The following LAMB2 variants were observed in gnomAD, a reference collection of about 807,000 sequenced individuals.
LAMB2 encodes the protein laminin subunit beta 2, also known as laminin subunit beta-2.
LAMB2 carries 119 observed loss-of-function variants against 202.7 expected under a neutral mutation model. The observed-to-expected ratio is 0.59, with a 90% CI of 0.51 to 0.68. LAMB2 has a LOEUF of 0.68. Ranked by LOEUF, LAMB2 falls within the 30% of genes least tolerant of loss-of-function variation. The probability of loss-of-function intolerance (pLI) is 0.00; values close to 1 mark genes in which losing one functional copy is unlikely to be tolerated. For missense variants in LAMB2, 2,124 were observed against 2,410.6 expected, an observed-to-expected ratio of 0.88 and a Z score of 2.49; for synonymous variants, 818 against 902.2, an observed-to-expected ratio of 0.91 and a Z score of 1.67.
In LAMB2 at chr3:49,125,250, C is replaced by T. The variant is rs987582385; in HGVS notation, c.2720+3G>A. On this transcript the variant is annotated splice_donor_region_variant and intron_variant, in intron 19 of 31. Transcript: ENST00000305544. ...AACCCACTCATAGCTGCTCCAGTCTCACCTTTCACAGTGCTCACCCCCTGT... is the reference window on the plus strand; with the variant it reads ...AACCCACTCATAGCTGCTCCAGTCTTACCTTTCACAGTGCTCACCCCCTGT... 4 of 1,613,888 alleles carry T rather than the reference C, an allele frequency of 2.5e-6. No homozygotes were observed. Among genetic ancestry groups the T allele is most frequent in the Admixed American group, 1.7e-5 (1 of 60,030 alleles).
rs1196452695 is a variant in LAMB2 at position 49,128,693 on chromosome 3, C to T, written c.1858G>A (p.Asp620Asn). The change falls in exon 14 of 32, where the codon GAC (aspartate) becomes AAC (asparagine). Residue 620 changes from aspartate (D) to asparagine (N), a missense_variant. Asp to Asn is a conservative substitution (Grantham distance 23). Coordinates refer to ENST00000305544, the MANE Select transcript of LAMB2 (RefSeq NM_002292.4). ...TCTAAGCGCAGCAGCAGGTCATAGT[C>T]CATAGCCTTCGGCACAGAGGCCACC... ...FLVASVPKAM[D>N]YDLLLRLEPQ... The T allele has an allele frequency of 6.2e-7, 1 of 1,614,202 alleles. No homozygotes were observed. The highest frequency in any genetic ancestry group is 8.5e-7 in the Non-Finnish European group (1 of 1,180,044).
chr3:49,130,474 G>T lies in LAMB2; in HGVS notation c.1037-55C>A. The T allele has an allele frequency of 1.2e-6, 2 of 1,601,104 alleles. No individual in the cohort carries two copies. The highest frequency in any genetic ancestry group is 1.1e-5 in the South Asian group (1 of 90,710). ...CCACATGAGGAACCAGGTCACAAGGGTAAGAAGTAGGCCACCTTAGATCCC... is the reference window on the plus strand; with the variant it reads ...CCACATGAGGAACCAGGTCACAAGGTTAAGAAGTAGGCCACCTTAGATCCC... On this transcript the variant is annotated intron_variant, in intron 8 of 31. Transcript: ENST00000305544. This position sits in a 1 kb window ranked among gnomAD's most constrained non-coding sequence, Gnocchi z 5.0.
Position 49,130,533 on chromosome 3 carries a change from G to A in LAMB2, c.1037-114C>T. On this transcript the variant is annotated intron_variant, in intron 8 of 31. Coordinates refer to ENST00000305544, the MANE Select transcript of LAMB2 (RefSeq NM_002292.4). The surrounding 1 kb of genome is among the most constrained non-coding windows in gnomAD (Gnocchi z 5.0). ...GCCAGAATTTGTGGGTAGGGGCTCA[G>A]GGACTTCAAGGCCTCAGCATCATAC... 1.5e-6 allele frequency: 2 copies of A among 1,374,916 alleles called. No individual in the cohort carries two copies. The highest frequency in any genetic ancestry group is 2.1e-6 in the Non-Finnish European group (2 of 970,662). 85.2% of individuals were successfully genotyped at this position (1,374,916 alleles called of 1,614,324 possible). A position where few individuals can be genotyped will look rare whatever the true frequency, so the allele number is the denominator to read the frequency against.
In LAMB2 at chr3:49,124,000, C is replaced by A. The variant is rs750381148; in HGVS notation, c.3525G>T (p.Gln1175His). Residue 1175 changes from glutamine (Q) to histidine (H), a missense_variant, in exon 24 of 32, where the codon CAG (glutamine) becomes CAT (histidine). Gln to His is a conservative substitution (Grantham distance 24). This residue lies in a region of LAMB2 where 1,702 missense variants were observed against 1,896.3 expected (regional missense o/e 0.90). Coordinates refer to ENST00000305544, the MANE Select transcript of LAMB2 (RefSeq NM_002292.4). ...AGATTCCTGAGAAGCCACGGGCACACTGGTCACAGCGCACACCAGACACCC... is the reference window on the plus strand; with the variant it reads ...AGATTCCTGAGAAGCCACGGGCACAATGGTCACAGCGCACACCAGACACCC... ...RPGVSGVRCD[Q>H]CARGFSGIFP... 4.3e-6 allele frequency: 7 copies of A among 1,613,554 alleles called. No individual in the cohort carries two copies. In the South Asian group the frequency reaches 7.7e-5, roughly 18 times the overall value.
Position 49,132,455 on chromosome 3 carries a change from C to T in LAMB2, c.249+36G>A. 2 of 1,614,202 alleles carry T rather than the reference C, an allele frequency of 1.2e-6. No individual in the cohort carries two copies. The highest frequency in any genetic ancestry group is 1.7e-6 in the Non-Finnish European group (2 of 1,180,018). On this transcript the variant is annotated intron_variant, in intron 2 of 31. Transcript: ENST00000305544. This position sits in a 1 kb window ranked among gnomAD's most constrained non-coding sequence, Gnocchi z 4.6. ...AGTGCCTCAGGCAGTGCCAGCCCCACCCTGACTCGGCGTCACACCCTGTCC... is the reference window on the plus strand; with the variant it reads ...AGTGCCTCAGGCAGTGCCAGCCCCATCCTGACTCGGCGTCACACCCTGTCC...
In LAMB2 at chr3:49,131,435, T is replaced by C. The variant is rs749368325; in HGVS notation, c.656A>G (p.Tyr219Cys). ...IEPSTEGEVI[Y>C]RVLDPAIPIP... is the part of the protein sequence containing the mutation. Reference sequence around the variant, plus strand: ...AGGGATGGCAGGGTCCAGCACACGATAGATGACCTGGAGAAGCAGGGAGTT... The same window carrying C: ...AGGGATGGCAGGGTCCAGCACACGACAGATGACCTGGAGAAGCAGGGAGTT... Residue 219 changes from tyrosine to cysteine, a missense_variant, in exon 6 of 32, where the codon TAT (tyrosine) becomes TGT (cysteine). By Grantham distance (194) the Tyr-to-Cys change is radical. Transcript: ENST00000305544. This position sits in a 1 kb window ranked among gnomAD's most constrained non-coding sequence, Gnocchi z 5.0. 12 of 1,613,890 alleles carry C rather than the reference T, an allele frequency of 7.4e-6. No individual in the cohort carries two copies. Among genetic ancestry groups the C allele is most frequent in the East Asian group, 4.5e-5 (2 of 44,896 alleles).
chr3:49,125,520 A>AG, intron 18 of LAMB2, 36 bp from the exon 19 acceptor site: 1 of 756,516 alleles, frequency 1.3e-6, no homozygotes. Flanking sequence ...GAGCCAGGGG[A>AG]GGGGGTCTGA....
chr3:49,126,165 G>T lies in LAMB2; in HGVS notation c.2152-6C>A. The T allele has an allele frequency of 1.2e-5, 19 of 1,611,752 alleles. No individual in the cohort carries two copies. The highest frequency in any genetic ancestry group is 1.6e-5 in the Non-Finnish European group (19 of 1,179,904). On this transcript the variant is annotated splice_polypyrimidine_tract_variant and splice_region_variant and intron_variant, in intron 16 of 31. Coordinates refer to ENST00000305544, the MANE Select transcript of LAMB2 (RefSeq NM_002292.4). ...ACACGGGGCAGCAGCACCAGCTGAA[G>T]GAGTGAGCAAGGAAGATCGCAGTTC... is the stretch of plus-strand genomic sequence containing the variant.
In LAMB2 at chr3:49,131,009, A is replaced by G; in HGVS notation, c.856T>C (p.Tyr286His). 1 of 1,613,986 alleles carries G rather than the reference A, an allele frequency of 6.2e-7. No individual in the cohort carries two copies. The highest frequency in any genetic ancestry group is 8.5e-7 in the Non-Finnish European group (1 of 1,180,022). The change falls in exon 7 of 32, where the codon TAC (tyrosine) becomes CAC (histidine). Residue 286 changes from tyrosine (Y) to histidine (H), a missense_variant. Tyr to His is a moderately conservative substitution (Grantham distance 83, BLOSUM62 2). Transcript: ENST00000305544. This position sits in a 1 kb window ranked among gnomAD's most constrained non-coding sequence, Gnocchi z 5.0. ...GGTGCACACTCTGAGGCGTGTCCGT[A>G]GCAGAAGCAGTTGCCACGTACAACC... ...ELVVRGNCFC[Y>H]GHASECAPAP... is the part of the protein sequence containing the mutation.
rs557484617 is a variant in LAMB2 at position 49,127,824 on chromosome 3, T to G, written c.2018+634A>C. ...TCACAAGGTCAGAAGATCGAGGCCA[T>G]CCTGGCCAACATGGTGAAACCCCAT... On this transcript the variant is annotated intron_variant, in intron 15 of 31. Transcript: ENST00000305544. Among the ~76,000 whole-genome samples the G allele has an allele frequency of 4.6e-5, 7 of 151,626 alleles. No individual in the cohort carries two copies. In the East Asian group the frequency reaches 7.8e-4, roughly 17 times the overall value.
In LAMB2 at chr3:49,129,104, C is replaced by T. The variant is rs1213977289; in HGVS notation, c.1647G>A (p.Gly549=). ...CAGGTTGCACCTGCTCACAGCGTCG[C>T]CCAACCATGTGCTGGCGGCAGTGGC... ...GQCHCRQHMV[G]RRCEQVQPGY... is the part of the protein sequence containing the mutation. The change falls in exon 13 of 32, where the codon GGG becomes GGA. Residue 549 remains glycine (G), a synonymous_variant. Coordinates refer to ENST00000305544, the MANE Select transcript of LAMB2 (RefSeq NM_002292.4). This position sits in a 1 kb window ranked among gnomAD's most constrained non-coding sequence, Gnocchi z 6.1. 3 of 1,614,026 alleles carry T rather than the reference C, an allele frequency of 1.9e-6. No homozygotes were observed. The highest frequency in any genetic ancestry group is 1.6e-4 in the Middle Eastern group (1 of 6,062).
chr3:49,123,223 T>C lies in LAMB2; in HGVS notation c.4133A>G (p.Asp1378Gly). 6.2e-7 allele frequency: 1 copy of C among 1,613,900 alleles called. No individual in the cohort carries two copies. The highest frequency in any genetic ancestry group is 1.1e-5 in the South Asian group (1 of 91,082). The change falls in exon 26 of 32, where the codon GAC becomes GGC. Residue 1378 changes from aspartate (D) to glycine (G), a missense_variant. Transcript: ENST00000305544. ...GTTGGCCATGTGTTTGCTGTTGAAG[T>C]CCTCCTTCTGAGCATCCATCAGTGC... The part of the protein sequence containing the change: ...TEALMDAQKE[D>G]FNSKHMANQR...
At position 49,123,813 on chromosome 3, in the gene LAMB2, G is replaced by C; in HGVS notation, c.3712C>G (p.Leu1238Val). 1 of 1,613,292 alleles carries C rather than the reference G, an allele frequency of 6.2e-7. No homozygotes were observed. The highest frequency in any genetic ancestry group is 8.5e-7 in the Non-Finnish European group (1 of 1,179,970). The change falls in exon 24 of 32, where the codon CTG (leucine) becomes GTG (valine). Residue 1238 changes from leucine to valine, a missense_variant. This residue lies in a region of LAMB2 where 1,702 missense variants were observed against 1,896.3 expected (regional missense o/e 0.90). Transcript: ENST00000305544. ...CCTACGATGCCCTGCACAATGCCCA[G>C]CTTCTCCTGCATGTGCCAGAAGCTG... ...ESSFWHMQEK[L>V]GIVQGIVGAR...
In LAMB2 at chr3:49,123,484, G is replaced by C; in HGVS notation, c.3945C>G (p.Asp1315Glu). Residue 1315 changes from aspartate (D) to glutamate (E), a missense_variant, in exon 25 of 32, where the codon GAC (aspartate) becomes GAG (glutamate). Coordinates refer to ENST00000305544, the MANE Select transcript of LAMB2 (RefSeq NM_002292.4). ...AATGTTTGAGCAAGTCAAGATGCTG[G>C]TCGAGCTGCCGCAGTGTGAGATTAA... ...LALNLTLRQLDQHLDLLKHSN... is the reference protein window; with the variant it reads ...LALNLTLRQLEQHLDLLKHSN... 1 of 1,614,194 alleles carries C rather than the reference G, an allele frequency of 6.2e-7. No individual in the cohort carries two copies. Among genetic ancestry groups the C allele is most frequent in the Non-Finnish European group, 8.5e-7 (1 of 1,180,056 alleles).
chr3:49,126,808 C>A (rs2045421079), intron 15 of LAMB2, among the ~76,000 whole-genome samples: 1 of 152,176 alleles, frequency 6.6e-6, no homozygotes, highest in Non-Finnish European at 1.5e-5. Context: ...CTTCCTCTGA[C>A]CCCGACCTAC....
At chr3:49,123,703 C>T (rs1425379293) in intron 24 of LAMB2, 25 bp downstream of exon 24, 1 of 1,613,634 alleles carries the variant, frequency 6.2e-7, no homozygotes, top group South Asian at 1.1e-5. Context: ...CCCATCCCAC[C>T]ATGTATTCTT....
chr3:49,125,209 A>G (rs978189676), intron 19 of LAMB2, 40 bp from the exon 20 acceptor site: 1 of 1,613,456 alleles, frequency 6.2e-7, no homozygotes, highest in African/African-American at 1.3e-5. Flanking sequence ...ATCCCTGGGA[A>G]GCCTGCCCAC....
chr3:49,122,627 A>G, intron 27 of LAMB2, 77 bp downstream of exon 27: 2 of 1,250,004 alleles, frequency 1.6e-6, no homozygotes, highest in Non-Finnish European at 2.4e-6. Flanking sequence ...AGGCTCAAGT[A>G]TGAACCAAGG....
At position 49,128,558 on chromosome 3, in the gene LAMB2, G is replaced by A; in HGVS notation, c.1918C>T (p.Leu640=). ...QVPEQWAELE[L]IVQRPGPVPA... ...ACAGGCCCTGGACGCTGCACAATCA[G>A]TTCCAACTCTGCCCATTGCTCAGGG... Residue 640 remains leucine, a synonymous_variant, in exon 15 of 32, where the codon CTG becomes TTG. Coordinates refer to ENST00000305544, the MANE Select transcript of LAMB2 (RefSeq NM_002292.4). 1 of 1,614,230 alleles carries A rather than the reference G, an allele frequency of 6.2e-7. No individual in the cohort carries two copies. The highest frequency in any genetic ancestry group is 8.5e-7 in the Non-Finnish European group (1 of 1,180,044).
Sources: gnomAD v4.1 joint callset for allele counts (sites outside exome capture counted in the v4.1 genomes callset) on GRCh38, gnomAD v4.1.1 for gene constraint, gnomAD v4.1.1 regional missense constraint, Gnocchi (gnomAD v3.1) non-coding constraint, MANE v1.5 for transcripts, NCBI Gene and HGNC (gene_info 2026-07-23, HGNC 2026-07-21) for gene names.